The following STK38L variants were observed in gnomAD, a reference collection of about 807,000 sequenced individuals.
The protein encoded by STK38L is serine/threonine kinase 38 like.
In STK38L, 28 loss-of-function variants were observed where a neutral mutation model predicts 59.7. The ratio of observed to expected loss-of-function variants is 0.47; its 90% CI spans 0.35 to 0.64. The LOEUF is 0.64. STK38L is among the 30% of genes least tolerant of loss of function. The probability of loss-of-function intolerance (pLI) is 0.01; values close to 1 mark genes in which losing one functional copy is unlikely to be tolerated. For synonymous variants in STK38L, 162 were observed against 176.8 expected (o/e 0.92, Z 0.66); for missense variants, 314 against 555.8 (o/e 0.56, Z 4.37).
chr12:27,250,102 T>G (rs1250810432), intron 1 of STK38L, among the ~76,000 whole-genome samples: 1 of 152,254 alleles, frequency 6.6e-6, no homozygotes, highest in Non-Finnish European at 1.5e-5. Context: ...CTATGGAGTC[T>G]AGCTTTCATT....
intron 1 of STK38L, among the ~76,000 whole-genome samples, chr12:27,258,241 C>T (rs544691586): frequency 2.4e-4 from 37 of 152,130 alleles, no homozygotes; most frequent in Non-Finnish European, 2.1e-4. Flanking sequence ...GACAGGATTT[C>T]GTTATATTGC....
intron 1 of STK38L, among the ~76,000 whole-genome samples, chr12:27,268,924 G>A (rs1314930599): frequency 6.6e-6 from 1 of 152,176 alleles, no homozygotes; most frequent in Admixed American, 6.5e-5. Flanking sequence ...CTTCTTTTGA[G>A]AAGTGTCTGT....
intron 1 of STK38L, among the ~76,000 whole-genome samples, chr12:27,279,147 G>A (rs950332495): frequency 1.3e-5 from 2 of 152,282 alleles, no homozygotes; most frequent in African/African-American, 2.4e-5. Context: ...TGGAAAAATT[G>A]TAAGTTGGGG....
chr12:27,265,951 A>G (rs1031735167), intron 1 of STK38L, among the ~76,000 whole-genome samples: 2 of 152,134 alleles, frequency 1.3e-5, no homozygotes, highest in African/African-American at 4.8e-5. Flanking sequence ...AATGGATGCT[A>G]CCCTCTCAAG....
chr12:27,261,445 C>T (rs993190704), intron 1 of STK38L, among the ~76,000 whole-genome samples: 4 of 152,164 alleles, frequency 2.6e-5, no homozygotes, highest in African/African-American at 9.7e-5. Context: ...TACCCATATT[C>T]TGGGCATGGG....
Position 27,308,926 on chromosome 12 carries a change from A to AAAATATATATAAATATATATTAATATATG in STK38L, c.310-188_310-187insAAATATATATAAATATATATTAATATATG, listed in dbSNP as rs1565550843. The stretch of plus-strand genomic sequence containing the variant: ...TATATATAAATATATATTAATATAT[A>AAAATATATATAAATATATATTAATATATG]TAAAATATATATAAATATATATATA... On this transcript the variant is annotated intron_variant, in intron 4 of 13. Coordinates refer to ENST00000389032, the MANE Select transcript of STK38L (RefSeq NM_015000.4). The surrounding 1 kb of genome is among the most constrained non-coding windows in gnomAD (Gnocchi z 4.5). Among the ~76,000 whole-genome samples the AAAATATATATAAATATATATTAATATATG allele has an allele frequency of 1.4e-5, 2 of 145,628 alleles. No homozygotes were observed. Among genetic ancestry groups the AAAATATATATAAATATATATTAATATATG allele is most frequent in the Admixed American group, 6.9e-5 (1 of 14,450 alleles).
intron 1 of STK38L, among the ~76,000 whole-genome samples, chr12:27,266,456 C>G (rs1943317634): frequency 6.6e-6 from 1 of 152,176 alleles, no homozygotes; most frequent in African/African-American, 2.4e-5. Context: ...ATCTAAGACC[C>G]TCTCCCTGTC....
At chr12:27,317,767 A>G in intron 10 of STK38L, 129 bp from the exon 11 acceptor site, 1 of 1,126,218 alleles carries the variant, frequency 8.9e-7, no homozygotes, top group Non-Finnish European at 1.3e-6. Context: ...TAAATTGATG[A>G]ATGGTGGCAT....
Position 27,317,823 on chromosome 12 carries a change from G to A in STK38L, c.956-73G>A, listed in dbSNP as rs147969775. ...ACTCAGGGTTGTTTGGTTTCTTGTC[G>A]CACATGTTTGGTGGGTATAAACTTC... On this transcript the variant is annotated intron_variant, in intron 10 of 13. Coordinates refer to ENST00000389032, the MANE Select transcript of STK38L (RefSeq NM_015000.4). 315 of 1,569,958 alleles carry A rather than the reference G, an allele frequency of 2.0e-4. 1 individual carries two copies. Among genetic ancestry groups the A allele is most frequent in the East Asian group, 2.9e-4 (13 of 44,514 alleles).
chr12:27,317,516 C>T lies in STK38L; in HGVS notation c.955+63C>T, dbSNP rs922620441. ...ATTTCCTTGAGTGCCATTGTTTGAA[C>T]ATATTACAGATATCATTGACTAAAA... is the stretch of plus-strand genomic sequence containing the variant. On this transcript the variant is annotated intron_variant, in intron 10 of 13. Coordinates refer to ENST00000389032, the MANE Select transcript of STK38L (RefSeq NM_015000.4). 9 of 1,271,310 alleles carry T rather than the reference C, an allele frequency of 7.1e-6. No individual in the cohort carries two copies. The African/African-American group carries it at 1.2e-4, about 17-fold the overall frequency. The allele number at this position is 1,271,310 out of a possible 1,614,324, so 78.8% of individuals were successfully genotyped here. A position where few individuals can be genotyped will look rare whatever the true frequency, so the allele number is the denominator to read the frequency against.
At chr12:27,290,327 A>T (rs545418063) in intron 1 of STK38L, among the ~76,000 whole-genome samples, 1 of 152,202 alleles carries the variant, frequency 6.6e-6, no homozygotes. Flanking sequence ...GACCCAGGCA[A>T]TCTGGCCTTT....
intron 1 of STK38L, among the ~76,000 whole-genome samples, chr12:27,255,018 G>C (rs1022165066): frequency 3.9e-5 from 6 of 152,208 alleles, no homozygotes; most frequent in Non-Finnish European, 7.4e-5. Context: ...ATATGGACCA[G>C]TGTCTCTTTA....
intron 1 of STK38L, among the ~76,000 whole-genome samples, chr12:27,291,493 G>A (rs767035191): frequency 6.6e-6 from 1 of 152,134 alleles, no homozygotes; most frequent in Non-Finnish European, 1.5e-5. Flanking sequence ...CTCCCTAAGG[G>A]CCGGAACTGT....
At chr12:27,297,513 A>G (rs1009974626) in intron 1 of STK38L, among the ~76,000 whole-genome samples, 197 bp from the exon 2 acceptor site, 40 of 152,190 alleles carry the variant, frequency 2.6e-4, no homozygotes, top group African/African-American at 9.2e-4. Context: ...TGCCACCACA[A>G]TATGAATTTC....
chr12:27,306,109 T>C (rs1944304943), intron 3 of STK38L, among the ~76,000 whole-genome samples: 1 of 152,202 alleles, frequency 6.6e-6, no homozygotes, highest in Non-Finnish European at 1.5e-5. Context: ...TTTATAGAAT[T>C]ATGTGTTCCA....
intron 1 of STK38L, among the ~76,000 whole-genome samples, chr12:27,272,915 G>A (rs1943454726): frequency 6.6e-6 from 1 of 152,208 alleles, no homozygotes; most frequent in African/African-American, 2.4e-5. Context: ...AACTTTGGCA[G>A]TTAAATGTGG....
intron 2 of STK38L, 137 bp downstream of exon 2, chr12:27,297,991 G>A: frequency 1.9e-6 from 2 of 1,055,536 alleles, no homozygotes; most frequent in Non-Finnish European, 2.7e-6. Context: ...TGTACTGACA[G>A]TGCACATAGA....
intron 1 of STK38L, among the ~76,000 whole-genome samples, chr12:27,261,988 A>G (rs1409447982): frequency 6.6e-6 from 1 of 152,224 alleles, no homozygotes; most frequent in Non-Finnish European, 1.5e-5. Context: ...AGTAAATGTT[A>G]GTTTTTATTA....
At chr12:27,278,474 C>T (rs1459812019) in intron 1 of STK38L, among the ~76,000 whole-genome samples, 1 of 152,160 alleles carries the variant, frequency 6.6e-6, no homozygotes, top group Admixed American at 6.5e-5. Flanking sequence ...AGGATCTTAG[C>T]ATGCTCATAT....
Sources: gnomAD v4.1 joint callset for allele counts (sites outside exome capture counted in the v4.1 genomes callset) on GRCh38, gnomAD v4.1.1 for gene constraint, Gnocchi (gnomAD v3.1) non-coding constraint, MANE v1.5 for transcripts, NCBI Gene and HGNC (gene_info 2026-07-23, HGNC 2026-07-21) for gene names.